PCSK6: variants seen among roughly 807,000 people sequenced by gnomAD.
The protein encoded by PCSK6 is proprotein convertase subtilisin/kexin type 6.
PCSK6 carries 85 observed loss-of-function variants against 123.3 expected under a neutral mutation model. The ratio of observed to expected loss-of-function variants is 0.69; its 90% CI spans 0.58 to 0.83. The LOEUF (loss-of-function observed/expected upper bound fraction) is 0.83, where lower values mean the gene tolerates loss of function less well. Among genes scored for constraint, PCSK6 ranks in the 40% least tolerant of loss-of-function variants. The pLI is 0.00. For missense variants in PCSK6, 1,191 were observed against 1,282.3 expected (o/e 0.93, Z 1.09); for synonymous variants, 508 against 516.0 (o/e 0.98, Z 0.21).
intron 13 of PCSK6, chr15:101,337,552 G>A (rs1485138331): frequency 6.6e-6 from 1 of 152,086 alleles, no homozygotes; most frequent in African/African-American, 2.4e-5. Flanking sequence ...TTCCTCCTGG[G>A]CTCTTTCCTA....
At chr15:101,364,940 A>G (rs1408254822) in intron 13 of PCSK6, 1 of 764,122 alleles carries the variant, frequency 1.3e-6, no homozygotes, top group Non-Finnish European at 2.5e-6. Flanking sequence ...ACAATATGGT[A>G]CTGACTCCAA....
At chr15:101,431,207 C>T (rs2056435024) in intron 4 of PCSK6, 113 bp downstream of exon 4, 2 of 1,092,468 alleles carry the variant, frequency 1.8e-6, no homozygotes, top group Non-Finnish European at 1.3e-6. Flanking sequence ...TCTTTACTGC[C>T]TAACTTAATG....
intron 11 of PCSK6, among the ~76,000 whole-genome samples, chr15:101,381,735 T>C (rs1195765222): frequency 1.3e-5 from 2 of 152,212 alleles, no homozygotes; most frequent in Non-Finnish European, 2.9e-5. Flanking sequence ...CACCTGCAGC[T>C]ACTCCCCATT....
chr15:101,307,426 C>G (rs1339726807), intron 20 of PCSK6, 101 bp from the exon 21 acceptor site: 18 of 787,844 alleles, frequency 2.3e-5, no homozygotes, highest in South Asian at 1.9e-4. Context: ...CTTCCCACCC[C>G]CTCAGCCTCG....
At chr15:101,347,209 A>G in intron 13 of PCSK6, 1 of 1,231,832 alleles carries the variant, frequency 8.1e-7, no homozygotes, top group Admixed American at 4.2e-5. Context: ...CCTTTCTAGC[A>G]TCAAGCACAG....
intron 1 of PCSK6, among the ~76,000 whole-genome samples, chr15:101,444,838 C>T (rs531409117): frequency 1.2e-4 from 19 of 152,266 alleles, no homozygotes; most frequent in African/African-American, 4.6e-4. Context: ...TTGACTGGCC[C>T]AGGTGGAGAC....
At position 101,434,386 on chromosome 15, in the gene PCSK6, C is replaced by A. The variant is rs116931507; in HGVS notation, c.403-2286G>T. Among the ~76,000 whole-genome samples, 176 of 152,360 alleles carry A rather than the reference C, an allele frequency of 1.2e-3. 5 individuals are homozygous for A. In the East Asian group the frequency reaches 0.03, roughly 26 times the overall value. On this transcript the variant is annotated intron_variant, in intron 2 of 21. Coordinates refer to ENST00000611716, the MANE Select transcript of PCSK6 (RefSeq NM_002570.5). ...ACTTCCAGTCAGAGGAGGAGGCACA[C>A]TCTGCCCTTCCAAGCCCAAGTGGGT... is the stretch of plus-strand genomic sequence containing the variant.
At chr15:101,448,733 T>C (rs933257534) in intron 1 of PCSK6, among the ~76,000 whole-genome samples, 1 of 152,236 alleles carries the variant, frequency 6.6e-6, no homozygotes, top group Non-Finnish European at 1.5e-5. Flanking sequence ...TTCTTCACCG[T>C]TGAACCTTCT....
intron 6 of PCSK6, among the ~76,000 whole-genome samples, chr15:101,414,700 A>C (rs1468117091): frequency 6.6e-6 from 1 of 152,206 alleles, no homozygotes; most frequent in African/African-American, 2.4e-5. Flanking sequence ...AGAAGAAACT[A>C]CATCTAACCA....
intron 1 of PCSK6, among the ~76,000 whole-genome samples, chr15:101,479,799 A>G (rs952455111): frequency 6.6e-6 from 1 of 152,024 alleles, no homozygotes; most frequent in Non-Finnish European, 1.5e-5. Context: ...CCAGATCTCC[A>G]CCCAGGGAAG....
intron 11 of PCSK6, among the ~76,000 whole-genome samples, chr15:101,379,499 T>G (rs2041851015): frequency 6.6e-6 from 1 of 152,206 alleles, no homozygotes; most frequent in South Asian, 2.1e-4. Flanking sequence ...TGCACACGGA[T>G]GCACACGAGA....
chr15:101,326,303 G>T, intron 16 of PCSK6, 74 bp downstream of exon 16: 1 of 1,159,868 alleles, frequency 8.6e-7, no homozygotes, highest in Non-Finnish European at 1.3e-6. Context: ...TGGGGCATCA[G>T]GACATGGAGG....
intron 13 of PCSK6, chr15:101,346,388 A>C (rs371005369): frequency 3.3e-5 from 5 of 153,388 alleles, no homozygotes; most frequent in Non-Finnish European, 7.3e-5. Context: ...CTTACAAAGG[A>C]TATTTAATGA....
At position 101,313,316 on chromosome 15, in the gene PCSK6, C is replaced by G. The variant is rs200995757; in HGVS notation, c.2699+60G>C. The G allele has an allele frequency of 6.4e-4, 1,032 of 1,612,036 alleles. 4 individuals carry two copies. Among genetic ancestry groups the G allele is most frequent in the Non-Finnish European group, 7.7e-4 (907 of 1,179,556 alleles). On this transcript the variant is annotated intron_variant, in intron 20 of 21. Coordinates refer to ENST00000611716, the MANE Select transcript of PCSK6 (RefSeq NM_002570.5). ...TGGGGAAGATGCTGCCAGACTCTGC[C>G]CTCCAGGCACTCCTTTGCTGGACAC...
intron 6 of PCSK6, among the ~76,000 whole-genome samples, chr15:101,421,628 G>A (rs868305492): frequency 6.9e-4 from 105 of 152,276 alleles, no homozygotes; most frequent in Admixed American, 9.8e-4. Flanking sequence ...AGGAATCAGG[G>A]ACTCCAGCCA....
chr15:101,305,768 C>T lies in PCSK6; in HGVS notation c.2813-413G>A, dbSNP rs543702611. On this transcript the variant is annotated intron_variant, in intron 21 of 21. Coordinates refer to ENST00000611716, the MANE Select transcript of PCSK6 (RefSeq NM_002570.5). This position sits in a 1 kb window ranked among gnomAD's most constrained non-coding sequence, Gnocchi z 4.8. ...TTTCAATCATTCCACATATGCTGGGCATCAGTGGTGCCCTGGGCAAGAGGG... is the reference window on the plus strand; with the variant it reads ...TTTCAATCATTCCACATATGCTGGGTATCAGTGGTGCCCTGGGCAAGAGGG... 13 of 164,694 alleles carry T rather than the reference C, an allele frequency of 7.9e-5. No homozygotes were observed. Among genetic ancestry groups the T allele is most frequent in the South Asian group, 6.2e-4 (4 of 6,486 alleles). The allele number at this position is 164,694 out of a possible 1,614,324, so 10.2% of individuals were successfully genotyped here. A position where few individuals can be genotyped will look rare whatever the true frequency, so the allele number is the denominator to read the frequency against.
At chr15:101,324,797 C>T (rs1344026720) in intron 17 of PCSK6, 53 bp downstream of exon 17, 5 of 1,488,344 alleles carry the variant, frequency 3.4e-6, no homozygotes, top group Non-Finnish European at 4.6e-6. Flanking sequence ...GACACGGGCC[C>T]AGAAAGTTGG....
intron 18 of PCSK6, among the ~76,000 whole-genome samples, chr15:101,319,486 CT>C (rs1442074029): frequency 2.0e-5 from 3 of 152,220 alleles, no homozygotes; most frequent in Non-Finnish European, 4.4e-5. Flanking sequence ...TGCTAAATGT[CT>C]TTAATAACTG....
intron 18 of PCSK6, among the ~76,000 whole-genome samples, chr15:101,319,989 T>G (rs1309479698): frequency 6.6e-6 from 1 of 152,138 alleles, no homozygotes; most frequent in Non-Finnish European, 1.5e-5. Context: ...CATGTGGGAC[T>G]CGTGATTGAC....
Sources: gnomAD v4.1 joint callset for allele counts (sites outside exome capture counted in the v4.1 genomes callset) on GRCh38, gnomAD v4.1.1 for gene constraint, Gnocchi (gnomAD v3.1) non-coding constraint, MANE v1.5 for transcripts, NCBI Gene and HGNC (gene_info 2026-07-23, HGNC 2026-07-21) for gene names.